Variants in XPO1 observed in about 807,000 individuals in gnomAD.
XPO1 encodes exportin 1.
XPO1 carries 5 observed loss-of-function variants against 133.3 expected under a neutral mutation model. That is an observed-to-expected ratio of 0.04 (90% CI 0.02 to 0.08). The LOEUF is 0.08. Among genes scored for constraint, XPO1 ranks in the 10% least tolerant of loss-of-function variants. XPO1 has a pLI of 1.00. For synonymous variants in XPO1, 419 were observed against 408.2 expected (o/e 1.03, Z -0.32); for missense variants, 506 against 1,267.5 (o/e 0.40, Z 9.12).
At chr2:61,515,974 A>ACACAC (rs1698367566) in intron 4 of XPO1, among the ~76,000 whole-genome samples, 1 of 130,916 alleles carries the variant, frequency 7.6e-6, no homozygotes, top group Non-Finnish European at 1.6e-5. Context: ...CACACACACA[A>ACACAC]AATTAGCCAG....
rs944972305 is a variant in XPO1, at chr2:61,478,570, T to A, written c.*250A>T. The A allele has an allele frequency of 2.4e-6, 1 of 410,230 alleles. No individual in the cohort carries two copies. Among genetic ancestry groups the A allele is most frequent in the Non-Finnish European group, 4.2e-6 (1 of 236,202 alleles). 25.4% of individuals were successfully genotyped at this position (410,230 alleles called of 1,614,324 possible). A position where few individuals can be genotyped will look rare whatever the true frequency, so the allele number is the denominator to read the frequency against. Reference sequence around the variant, plus strand: ...CCCAGCCCAGCCACAAAAATGGGCATGAAGTAAAATTTTTAAAAATGCCTT... The same window carrying A: ...CCCAGCCCAGCCACAAAAATGGGCAAGAAGTAAAATTTTTAAAAATGCCTT... On this transcript the variant is annotated 3_prime_UTR_variant, in exon 25 of 25. Transcript: ENST00000401558.
At chr2:61,515,157 A>T (rs1286903145) in intron 4 of XPO1, among the ~76,000 whole-genome samples, 1 of 152,122 alleles carries the variant, frequency 6.6e-6, no homozygotes, top group Admixed American at 6.6e-5. Context: ...AGGGGCAGTG[A>T]AGGTGAAAGT....
At chr2:61,531,373 A>G (rs1382799159) in intron 2 of XPO1, among the ~76,000 whole-genome samples, 1 of 152,246 alleles carries the variant, frequency 6.6e-6, no homozygotes, top group Non-Finnish European at 1.5e-5. Context: ...AAAAATTTAG[A>G]AACACTTTTC....
Position 61,501,930 on chromosome 2 carries a change from G to T in XPO1, c.408+66C>A. 3.0e-6 allele frequency: 4 copies of T among 1,350,036 alleles called. No homozygotes were observed. The South Asian group carries it at 4.0e-5, about 14-fold the overall frequency. The allele number at this position is 1,350,036 out of a possible 1,614,324, so 83.6% of individuals were successfully genotyped here. A position where few individuals can be genotyped will look rare whatever the true frequency, so the allele number is the denominator to read the frequency against. ...ATTAGTATACTTTATTTCCTAAGTA[G>T]GTCGAACATTTTGTTCAAATAATAA... On this transcript the variant is annotated intron_variant, in intron 6 of 24. Coordinates refer to ENST00000401558, the MANE Select transcript of XPO1 (RefSeq NM_003400.4).
intron 4 of XPO1, among the ~76,000 whole-genome samples, chr2:61,521,139 T>C (rs1190866360): frequency 2.0e-5 from 3 of 152,210 alleles, no homozygotes; most frequent in African/African-American, 4.8e-5. Context: ...TCACTCTTAA[T>C]CTATGATTTA....
At chr2:61,510,261 A>G (rs762822261) in intron 4 of XPO1, among the ~76,000 whole-genome samples, 1 of 152,254 alleles carries the variant, frequency 6.6e-6, no homozygotes, top group Non-Finnish European at 1.5e-5. Flanking sequence ...AGCCTGGGCG[A>G]CAATGTGAGA....
At chr2:61,507,523 A>G (rs1377604032) in intron 4 of XPO1, among the ~76,000 whole-genome samples, 1 of 151,930 alleles carries the variant, frequency 6.6e-6, no homozygotes, top group Non-Finnish European at 1.5e-5. Context: ...ACGAGCTATG[A>G]TTGTGTCACT....
At chr2:61,520,287 G>C (rs181909006) in intron 4 of XPO1, among the ~76,000 whole-genome samples, 30 of 152,272 alleles carry the variant, frequency 2.0e-4, no homozygotes, top group African/African-American at 7.2e-4. Context: ...TTAATGTTCA[G>C]AAGTTCTAGT....
intron 2 of XPO1, among the ~76,000 whole-genome samples, chr2:61,531,873 G>C (rs775392531): frequency 6.6e-6 from 1 of 152,020 alleles, no homozygotes. Context: ...TGATCAAAAC[G>C]CCCTAAAAGT....
chr2:61,504,243 TG>T, intron 4 of XPO1, among the ~76,000 whole-genome samples: 1 of 152,330 alleles, frequency 6.6e-6, no homozygotes. Context: ...AGTTAAGACA[TG>T]ATACTCATAT....
At chr2:61,489,932 C>T (rs1696890705) in intron 17 of XPO1, among the ~76,000 whole-genome samples, 1 of 150,368 alleles carries the variant, frequency 6.7e-6, no homozygotes, top group African/African-American at 2.4e-5. Context: ...TCCTCTGTCA[C>T]CAGGCTGGAG....
chr2:61,498,666 A>G lies in XPO1; in HGVS notation c.759+7T>C, dbSNP rs1312349862. The G allele has an allele frequency of 6.2e-7, 1 of 1,613,412 alleles. No homozygotes were observed. The highest frequency in any genetic ancestry group is 1.7e-5 in the Admixed American group (1 of 59,894). On this transcript the variant is annotated splice_region_variant and intron_variant, in intron 9 of 24. Transcript: ENST00000401558. ...GGTGACAAATAACTGAAATGTATTC[A>G]CTGTACCTTATAAATCAATGTGCTG...
chr2:61,529,244 A>G (rs530766079), intron 2 of XPO1, among the ~76,000 whole-genome samples: 1 of 152,332 alleles, frequency 6.6e-6, no homozygotes, highest in East Asian at 1.9e-4. Flanking sequence ...TCATGGGTTT[A>G]ATTCTATGGT....
intron 19 of XPO1, 25 bp downstream of exon 19, chr2:61,488,140 C>G (rs762303247): frequency 6.2e-7 from 1 of 1,600,906 alleles, no homozygotes; most frequent in South Asian, 1.1e-5. Flanking sequence ...CACTAGAAAT[C>G]AAAAGCAAAG....
At chr2:61,487,619 A>G (rs1696761348) in intron 19 of XPO1, among the ~76,000 whole-genome samples, 1 of 152,216 alleles carries the variant, frequency 6.6e-6, no homozygotes, top group African/African-American at 2.4e-5. Flanking sequence ...GGCTCAATTG[A>G]ATAACAAGAA....
chr2:61,481,363 C>G (rs1558625143), intron 23 of XPO1, 82 bp from the exon 24 acceptor site: 1 of 1,014,388 alleles, frequency 9.9e-7, no homozygotes, highest in Non-Finnish European at 1.4e-6. Flanking sequence ...GGCTGGAGTA[C>G]AGTGGCATGA....
chr2:61,488,571 A>C lies in XPO1; in HGVS notation c.2206+17T>G, dbSNP rs1394393094. ...GTTTGTTTATACTGCATTGTGTAAGAAATCAGAATCACCTACCATTAGCTT... is the reference window on the plus strand; with the variant it reads ...GTTTGTTTATACTGCATTGTGTAAGCAATCAGAATCACCTACCATTAGCTT... On this transcript the variant is annotated intron_variant, in intron 18 of 24. Transcript: ENST00000401558. The C allele has an allele frequency of 6.2e-7, 1 of 1,609,376 alleles. No homozygotes were observed. The highest frequency in any genetic ancestry group is 1.7e-5 in the Admixed American group (1 of 59,340).
chr2:61,481,308 T>C (rs1696337754), intron 23 of XPO1, 27 bp from the exon 24 acceptor site: 1 of 1,561,850 alleles, frequency 6.4e-7, no homozygotes, highest in Non-Finnish European at 8.8e-7. Flanking sequence ...AATGATTAAA[T>C]AATGATTTAT....
At chr2:61,533,620 C>T in intron 2 of XPO1, 152 bp downstream of exon 2, 1 of 1,005,628 alleles carries the variant, frequency 9.9e-7, no homozygotes, top group African/African-American at 1.7e-5. Context: ...TTTCTTTCTC[C>T]AAACCAATTT....
Sources: gnomAD v4.1 joint callset for allele counts (sites outside exome capture counted in the v4.1 genomes callset) on GRCh38, gnomAD v4.1.1 for gene constraint, MANE v1.5 for transcripts, NCBI Gene and HGNC (gene_info 2026-07-23, HGNC 2026-07-21) for gene names.